Variants in RASSF2 observed in about 807,000 individuals in gnomAD.
RASSF2 encodes the protein Ras association domain family member 2.
RASSF2 carries 34 observed loss-of-function variants against 46.3 expected under a neutral mutation model. That is an observed-to-expected ratio of 0.73 (90% confidence interval 0.56 to 0.98). The LOEUF is 0.98. Ranked by LOEUF, RASSF2 falls within the 50% of genes least tolerant of loss-of-function variation. RASSF2 has a pLI of 0.00. For synonymous variants in RASSF2, 158 were observed against 162.5 expected (o/e 0.97, Z 0.21); for missense variants, 364 against 431.2 (o/e 0.84, Z 1.38).
At chr20:4,809,142 A>G (rs1322048739) in intron 2 of RASSF2, among the ~76,000 whole-genome samples, 1 of 152,170 alleles carries the variant, frequency 6.6e-6, no homozygotes, top group East Asian at 1.9e-4. Context: ...ATGCCTGGGC[A>G]ATGCATTCTG....
At chr20:4,803,318 CACAG>C (rs745623304) in intron 2 of RASSF2, among the ~76,000 whole-genome samples, 5 of 152,120 alleles carry the variant, frequency 3.3e-5, no homozygotes, top group Non-Finnish European at 7.3e-5. Flanking sequence ...ACCCGAGGGA[CACAG>C]ACAGCCTCTA....
intron 2 of RASSF2, among the ~76,000 whole-genome samples, chr20:4,802,222 C>G (rs1454187211): frequency 6.6e-6 from 1 of 152,170 alleles, no homozygotes; most frequent in African/African-American, 2.4e-5. Flanking sequence ...CAGGTGTGCC[C>G]CACCGCCCCT....
At chr20:4,794,540 C>T (rs1926176321) in intron 5 of RASSF2, among the ~76,000 whole-genome samples, 1 of 151,926 alleles carries the variant, frequency 6.6e-6, no homozygotes, top group African/African-American at 2.4e-5. Flanking sequence ...GCACTCCAGC[C>T]TGGGCAACAG....
At position 4,780,979 on chromosome 20, in the gene RASSF2, A is replaced by G. The variant is rs977572820; in HGVS notation, c.*3294T>C. 3.3e-5 allele frequency: 5 copies of G among 152,006 alleles called. No homozygotes were observed. Among genetic ancestry groups the G allele is most frequent in the African/African-American group, 9.7e-5 (4 of 41,410 alleles). The allele number at this position is 152,006 out of a possible 1,614,324, so 9.4% of individuals were successfully genotyped here. Reference sequence around the variant, plus strand: ...ACCAGACTCTGTCTCAAAAAAAAAAAAAAGAAAGAAAGAAACCTCTCTCGG... The same window carrying G: ...ACCAGACTCTGTCTCAAAAAAAAAAGAAAGAAAGAAAGAAACCTCTCTCGG... On this transcript the variant is annotated 3_prime_UTR_variant, in exon 12 of 12. Coordinates refer to ENST00000379400, the MANE Select transcript of RASSF2 (RefSeq NM_014737.3).
At chr20:4,810,053 A>G (rs1327661200) in intron 2 of RASSF2, among the ~76,000 whole-genome samples, 1 of 152,204 alleles carries the variant, frequency 6.6e-6, no homozygotes, top group African/African-American at 2.4e-5. Context: ...AGCATCCATT[A>G]CACCTGCTCC....
chr20:4,784,224 A>G lies in RASSF2; in HGVS notation c.*49T>C, dbSNP rs564965781. 6.5e-7 allele frequency: 1 copy of G among 1,546,358 alleles called. No individual in the cohort carries two copies. Among genetic ancestry groups the G allele is most frequent in the Admixed American group, 1.7e-5 (1 of 59,874 alleles). ...AAGTGCCTAGCTTCCTGGGGGTCTT[A>G]TGGGCAATGGCGGTTCCTGGGGTGC... is the stretch of plus-strand genomic sequence containing the variant. On this transcript the variant is annotated 3_prime_UTR_variant, in exon 12 of 12. Transcript: ENST00000379400.
At chr20:4,810,765 G>A (rs1342624822) in intron 2 of RASSF2, among the ~76,000 whole-genome samples, 1 of 152,184 alleles carries the variant, frequency 6.6e-6, no homozygotes, top group Admixed American at 6.5e-5. Flanking sequence ...GCTCCCAGTG[G>A]GGGTGAGGGA....
At position 4,793,794 on chromosome 20, in the gene RASSF2, A is replaced by C. The variant is rs543691874; in HGVS notation, c.288-1167T>G. On this transcript the variant is annotated intron_variant, in intron 5 of 11. Coordinates refer to ENST00000379400, the MANE Select transcript of RASSF2 (RefSeq NM_014737.3). Reference sequence around the variant, plus strand: ...CACGCACAGCCTCAGGATCCTTCTTAAGACAGCAGTCTAGGCATTCACTGT... The same window carrying C: ...CACGCACAGCCTCAGGATCCTTCTTCAGACAGCAGTCTAGGCATTCACTGT... Among the ~76,000 whole-genome samples the C allele has an allele frequency of 3.9e-5, 6 of 152,200 alleles. No individual in the cohort carries two copies. In the South Asian group the frequency reaches 1.0e-3, roughly 26 times the overall value.
At chr20:4,794,584 C>T (rs1294955628) in intron 5 of RASSF2, among the ~76,000 whole-genome samples, 1 of 151,766 alleles carries the variant, frequency 6.6e-6, no homozygotes, top group African/African-American at 2.4e-5. Context: ...CGGTGTGCAC[C>T]TATAGTCCCA....
intron 2 of RASSF2, among the ~76,000 whole-genome samples, chr20:4,813,421 G>A (rs1296154706): frequency 6.6e-6 from 1 of 152,256 alleles, no homozygotes; most frequent in African/African-American, 2.4e-5. Context: ...GTGGAAGATG[G>A]GAGGAAGCGG....
At chr20:4,791,986 C>T (rs1382927605) in intron 6 of RASSF2, among the ~76,000 whole-genome samples, 1 of 152,102 alleles carries the variant, frequency 6.6e-6, no homozygotes, top group African/African-American at 2.4e-5. Context: ...CGCGGTGGCT[C>T]ATGCCTATAA....
chr20:4,782,555 A>G lies in RASSF2; in HGVS notation c.*1718T>C, dbSNP rs1321008655. 3.3e-5 allele frequency: 5 copies of G among 152,430 alleles called. No individual in the cohort carries two copies. Among genetic ancestry groups the G allele is most frequent in the Admixed American group, 3.3e-4 (5 of 15,286 alleles). The allele number at this position is 152,430 out of a possible 1,614,324, so 9.4% of individuals were successfully genotyped here. On this transcript the variant is annotated 3_prime_UTR_variant, in exon 12 of 12. Coordinates refer to ENST00000379400, the MANE Select transcript of RASSF2 (RefSeq NM_014737.3). ...CCTATGGAGGAAGGAGACTTGCTAT[A>G]AAACCCTTGGCGAAATGCCAGGGGC...
chr20:4,810,768 G>A (rs994868570), intron 2 of RASSF2, among the ~76,000 whole-genome samples: 4 of 152,154 alleles, frequency 2.6e-5, no homozygotes, highest in Non-Finnish European at 5.9e-5. Flanking sequence ...CCCAGTGGGG[G>A]TGAGGGAGGG....
chr20:4,799,443 T>C (rs1348390375), intron 3 of RASSF2, among the ~76,000 whole-genome samples: 1 of 152,144 alleles, frequency 6.6e-6, no homozygotes, highest in Non-Finnish European at 1.5e-5. Context: ...TAGTCTCAAG[T>C]AAGAGGTGGC....
At chr20:4,818,884 T>C (rs1319995745) in intron 2 of RASSF2, among the ~76,000 whole-genome samples, 1 of 152,260 alleles carries the variant, frequency 6.6e-6, no homozygotes, top group Non-Finnish European at 1.5e-5. Flanking sequence ...ATAGCCCATT[T>C]GACCCTCACA....
At chr20:4,800,192 T>C (rs1252967760) in intron 3 of RASSF2, among the ~76,000 whole-genome samples, 1 of 152,096 alleles carries the variant, frequency 6.6e-6, no homozygotes, top group Non-Finnish European at 1.5e-5. Context: ...CCAGTCACAT[T>C]AGCAAAAAGC....
rs1214861638 is a variant in RASSF2 at position 4,809,591 on chromosome 20, C to T, written c.-32-8529G>A. On this transcript the variant is annotated intron_variant, in intron 2 of 11. Coordinates refer to ENST00000379400, the MANE Select transcript of RASSF2 (RefSeq NM_014737.3). ...TCCCAGCCTGTGCCTCTCCTGCACC[C>T]GGGTTATCATGATTACTGCTTCCAG... Among the ~76,000 whole-genome samples, 6 of 152,300 alleles carry T rather than the reference C, an allele frequency of 3.9e-5. No individual in the cohort carries two copies. In the East Asian group the frequency reaches 7.7e-4, roughly 20 times the overall value.
chr20:4,816,555 G>A (rs2122685653), intron 2 of RASSF2, among the ~76,000 whole-genome samples: 2 of 152,254 alleles, frequency 1.3e-5, no homozygotes, highest in East Asian at 1.9e-4. Flanking sequence ...GTTGTACAAC[G>A]TTGTGAATGG....
intron 2 of RASSF2, among the ~76,000 whole-genome samples, chr20:4,808,637 C>G (rs2423021): frequency 1.3e-5 from 2 of 151,594 alleles, no homozygotes; most frequent in Non-Finnish European, 2.9e-5. Flanking sequence ...CAGGTACACG[C>G]CACCATACCT....
Sources: allele counts gnomAD v4.1 joint callset (sites outside exome capture counted in the v4.1 genomes callset), GRCh38; gene constraint gnomAD v4.1.1; transcripts MANE v1.5; gene names NCBI Gene and HGNC (gene_info 2026-07-23, HGNC 2026-07-21).